The following OTOGL variants were observed in gnomAD, a reference collection of about 807,000 sequenced individuals.
OTOGL encodes the protein otogelin like, also known as otogelin-like protein.
In OTOGL, 285 loss-of-function variants were observed where a neutral mutation model predicts 318.5. That is an observed-to-expected ratio of 0.89 (90% CI 0.81 to 0.99). The LOEUF is 0.99. OTOGL is among the 50% of genes least tolerant of loss of function. OTOGL has a pLI of 0.00. For missense variants in OTOGL, 2,899 were observed against 2,845.6 expected (o/e 1.02, Z -0.43); for synonymous variants, 987 against 936.5 (o/e 1.05, Z -0.99).
At chr12:80,153,863 T>A (rs2137175577) in intron 1 of OTOGL, among the ~76,000 whole-genome samples, 1 of 152,352 alleles carries the variant, frequency 6.6e-6, no homozygotes, top group African/African-American at 2.4e-5. Context: ...TTAAATTTCC[T>A]CCATATCTTT....
Position 80,314,340 on chromosome 12 carries a change from C to A in OTOGL, c.3634+9C>A. On this transcript the variant is annotated intron_variant, in intron 32 of 58. Coordinates refer to ENST00000547103, the MANE Select transcript of OTOGL (RefSeq NM_001378609.3). ...TGAATACTACAATGAAGGTATGTGA[C>A]ATTCAAATTAAAAATATCACTATAG... The A allele has an allele frequency of 9.6e-7, 1 of 1,042,720 alleles. No homozygotes were observed. The highest frequency in any genetic ancestry group is 1.3e-6 in the Non-Finnish European group (1 of 782,820). 64.6% of individuals were successfully genotyped at this position (1,042,720 alleles called of 1,614,324 possible).
chr12:80,308,183 G>A (rs1193000463), intron 29 of OTOGL, among the ~76,000 whole-genome samples: 2 of 149,768 alleles, frequency 1.3e-5, no homozygotes, highest in African/African-American at 2.4e-5. Context: ...GGTGGCTGCC[G>A]GGCGGAGACA....
Position 80,378,229 on chromosome 12 carries a change from T to G in OTOGL, c.*181T>G, listed in dbSNP as rs1249756596. The G allele has an allele frequency of 1.9e-6, 1 of 520,250 alleles. No individual in the cohort carries two copies. Among genetic ancestry groups the G allele is most frequent in the Non-Finnish European group, 3.4e-6 (1 of 298,314 alleles). The allele number at this position is 520,250 out of a possible 1,614,324, so 32.2% of individuals were successfully genotyped here. On this transcript the variant is annotated 3_prime_UTR_variant, in exon 59 of 59. Coordinates refer to ENST00000547103, the MANE Select transcript of OTOGL (RefSeq NM_001378609.3). ...TACAGTTTCAATAGCAAAATTAAATTTATTGCTTTACTCTATTTTAGAAAA... is the reference window on the plus strand; with the variant it reads ...TACAGTTTCAATAGCAAAATTAAATGTATTGCTTTACTCTATTTTAGAAAA...
At chr12:80,323,161 T>G (rs1187983259) in intron 34 of OTOGL, among the ~76,000 whole-genome samples, 1 of 150,876 alleles carries the variant, frequency 6.6e-6, no homozygotes, top group Non-Finnish European at 1.5e-5. Flanking sequence ...TATAAAATAT[T>G]TTGAATTTTC....
chr12:80,259,147 CTATA>C (rs753389196), intron 18 of OTOGL, among the ~76,000 whole-genome samples: 1 of 148,552 alleles, frequency 6.7e-6, no homozygotes, highest in Non-Finnish European at 1.5e-5. Context: ...GATCAATCAA[CTATA>C]TATATATATA....
chr12:80,343,624 G>C (rs535968071), intron 44 of OTOGL: 1 of 145,272 alleles, frequency 6.9e-6, no homozygotes, highest in Non-Finnish European at 1.5e-5. Context: ...ACCAAAGGCC[G>C]GTCCTCTGTC....
At chr12:80,239,482 C>T (rs1592591360) in intron 11 of OTOGL, 43 bp downstream of exon 11, 2 of 1,377,022 alleles carry the variant, frequency 1.5e-6, no homozygotes, top group East Asian at 4.8e-5. Context: ...TTTCTTTATG[C>T]AAAAAGAAGA....
At position 80,353,396 on chromosome 12, in the gene OTOGL, C is replaced by T; in HGVS notation, c.5479C>T (p.Gln1827Ter). 6.2e-7 allele frequency: 1 copy of T among 1,602,914 alleles called. No homozygotes were observed. Among genetic ancestry groups the T allele is most frequent in the Admixed American group, 1.7e-5 (1 of 58,610 alleles). The change falls in exon 46 of 59, where the codon CAA becomes TAA. Residue 1827 changes from glutamine to a stop codon, truncating the protein, a stop_gained. Coordinates refer to ENST00000547103, the MANE Select transcript of OTOGL (RefSeq NM_001378609.3). LOFTEE classifies it high-confidence loss of function. ...TTGTGAAGCAAGAACATGCCTGAACCAATGGTTCTATGGACACACTTCCTG... is the reference window on the plus strand; with the variant it reads ...TTGTGAAGCAAGAACATGCCTGAACTAATGGTTCTATGGACACACTTCCTG... ...RPCEARTCLN[Q>*]WFYGHTSCLN...
rs111594738 is a variant in OTOGL at position 80,229,214 on chromosome 12, A to G, written c.490-43A>G. On this transcript the variant is annotated intron_variant, in intron 7 of 58. Coordinates refer to ENST00000547103, the MANE Select transcript of OTOGL (RefSeq NM_001378609.3). Reference sequence around the variant, plus strand: ...ATTGTGGTTTTAATAACTCAGATTTATTGTTTGTTCCTATGCTTTCTTTTT... The same window carrying G: ...ATTGTGGTTTTAATAACTCAGATTTGTTGTTTGTTCCTATGCTTTCTTTTT... The G allele has an allele frequency of 4.4e-3, 6,989 of 1,572,982 alleles. 252 individuals carry two copies. In the African/African-American group the frequency reaches 0.078, roughly 18 times the overall value.
At chr12:80,209,728 T>A (rs1018737988) in intron 2 of OTOGL, among the ~76,000 whole-genome samples, 3 of 152,140 alleles carry the variant, frequency 2.0e-5, no homozygotes, top group Non-Finnish European at 4.4e-5. Context: ...TAGTTAAAAA[T>A]CATGCTTTTA....
intron 47 of OTOGL, 96 bp from the exon 48 acceptor site, chr12:80,356,320 G>A: frequency 1.1e-6 from 1 of 905,264 alleles, no homozygotes; most frequent in Admixed American, 2.4e-5. Context: ...TCCCGTCTTT[G>A]AGTTTCCTGT....
At chr12:80,357,816 C>T (rs1890003181) in intron 49 of OTOGL, among the ~76,000 whole-genome samples, 1 of 152,124 alleles carries the variant, frequency 6.6e-6, no homozygotes, top group Non-Finnish European at 1.5e-5. Context: ...GTGGGTGGTG[C>T]ATTTCCTCAA....
intron 1 of OTOGL, among the ~76,000 whole-genome samples, chr12:80,174,877 G>A (rs746386229): frequency 3.2e-4 from 49 of 151,794 alleles, no homozygotes; most frequent in Non-Finnish European, 8.8e-5. Flanking sequence ...CATTACCATC[G>A]AGGTGCTGAA....
chr12:80,343,437 A>G (rs955308776), intron 44 of OTOGL: 9 of 149,742 alleles, frequency 6.0e-5, no homozygotes, highest in African/African-American at 2.2e-4. Context: ...TAAATGCTAT[A>G]TGAATAGTTT....
rs747807598 is a variant in OTOGL at position 80,232,989 on chromosome 12, G to A, written c.709G>A (p.Gly237Arg). The change falls in exon 9 of 59, where the codon GGG becomes AGG. Residue 237 changes from glycine (G) to arginine (R), a missense_variant. This residue lies in a region of OTOGL where 2,607 missense variants were observed against 2,524.9 expected (regional missense o/e 1.03). Transcript: ENST00000547103. ...TTFGFSLAWDGISGIYLKLSE... is the reference protein window; with the variant it reads ...TTFGFSLAWDRISGIYLKLSE... ...CTTTGGCTTTTCATTGGCTTGGGAC[G>A]GGATATCTGGGATCTACCTCAAGCT... 4 of 1,598,444 alleles carry A rather than the reference G, an allele frequency of 2.5e-6. No individual in the cohort carries two copies. The highest frequency in any genetic ancestry group is 3.4e-6 in the Non-Finnish European group (4 of 1,178,898).
chr12:80,275,074 T>C (rs1883697164), intron 24 of OTOGL, among the ~76,000 whole-genome samples: 1 of 152,006 alleles, frequency 6.6e-6, no homozygotes, highest in South Asian at 2.1e-4. Flanking sequence ...GATCAAGTAG[T>C]AATTTCAACT....
chr12:80,278,989 C>A, intron 25 of OTOGL, 39 bp from the exon 26 acceptor site: 4 of 1,579,154 alleles, frequency 2.5e-6, no homozygotes, highest in South Asian at 1.1e-5. Context: ...TAGTTAGAGT[C>A]GTTTCTTTAG....
intron 1 of OTOGL, among the ~76,000 whole-genome samples, chr12:80,110,136 C>T (rs546050014): frequency 5.5e-5 from 8 of 146,454 alleles, no homozygotes; most frequent in African/African-American, 1.8e-4. Context: ...GGCACCATCT[C>T]GGCTCACTAC....
chr12:80,237,422 T>G (rs1879964810), intron 9 of OTOGL, among the ~76,000 whole-genome samples: 1 of 152,086 alleles, frequency 6.6e-6, no homozygotes, highest in Admixed American at 6.6e-5. Context: ...AGATCACATG[T>G]CAGAGAAGGG....
Sources: gnomAD v4.1 joint callset for allele counts (sites outside exome capture counted in the v4.1 genomes callset) on GRCh38, gnomAD v4.1.1 for gene constraint, gnomAD v4.1.1 regional missense constraint, MANE v1.5 for transcripts, NCBI Gene and HGNC (gene_info 2026-07-23, HGNC 2026-07-21) for gene names.